Variants in HTR2C observed in about 807,000 individuals in gnomAD.
The protein encoded by HTR2C is 5-hydroxytryptamine receptor 2C.
Under a neutral mutation model 21.0 loss-of-function variants are expected in HTR2C, and 5 were observed. The ratio of observed to expected loss-of-function variants is 0.24; its 90% CI spans 0.12 to 0.50. The LOEUF (loss-of-function observed/expected upper bound fraction) is 0.50. HTR2C is among the 20% of genes least tolerant of loss of function. HTR2C has a pLI of 0.98. For synonymous variants in HTR2C, 150 were observed against 145.3 expected, an observed-to-expected ratio of 1.03 and a Z score of -0.23; for missense variants, 271 against 371.2, an observed-to-expected ratio of 0.73 and a Z score of 2.22.
chrX:114,869,960 A>C (rs1037954319), intron 5 of HTR2C, among the ~76,000 whole-genome samples: 1 of 112,175 alleles, frequency 8.9e-6, no homozygotes, highest in East Asian at 2.8e-4. Context: ...GTGATGTATC[A>C]CATTGATTGA....
chrX:114,780,883 T>C (rs1277558989), intron 4 of HTR2C, among the ~76,000 whole-genome samples: 1 of 111,287 alleles, frequency 9.0e-6, no homozygotes, highest in African/African-American at 3.3e-5. Flanking sequence ...AAACAACAAA[T>C]ATAATAAATA....
chrX:114,660,818 A>G (rs1485640944), intron 2 of HTR2C, among the ~76,000 whole-genome samples: 1 of 112,168 alleles, frequency 8.9e-6, no homozygotes, highest in African/African-American at 3.2e-5. Flanking sequence ...TTACCAAATT[A>G]TAGTGAATGG....
At chrX:114,773,129 T>C (rs1309409366) in intron 4 of HTR2C, among the ~76,000 whole-genome samples, 3 of 112,141 alleles carry the variant, frequency 2.7e-5, no homozygotes, top group Admixed American at 1.9e-4. Flanking sequence ...TAACTGAGCT[T>C]AACATTTTTG....
intron 2 of HTR2C, among the ~76,000 whole-genome samples, chrX:114,670,729 T>A (rs1556411553): frequency 8.9e-6 from 1 of 112,638 alleles, no homozygotes; most frequent in East Asian, 2.8e-4. Context: ...ATTAAATGTA[T>A]AAATTTTTGA....
In HTR2C at chrX:114,590,122, T is replaced by C. The variant is rs782002942; in HGVS notation, c.-147+5463T>C. Among the ~76,000 whole-genome samples the C allele has an allele frequency of 9.8e-5, 11 of 111,916 alleles. No homozygotes were observed. The South Asian group carries it at 3.8e-3, about 38-fold the overall frequency. ...GAAAATAGGTGCTATAAAAAGTAAC[T>C]GCCAGTTTTTTAGTTTACTGATCTG... On this transcript the variant is annotated intron_variant, in intron 1 of 5. Coordinates refer to ENST00000276198, the MANE Select transcript of HTR2C (RefSeq NM_000868.4).
rs782764871 is a variant in HTR2C at position 114,621,963 on chromosome X, A to G, written c.-80+8082A>G. On this transcript the variant is annotated intron_variant, in intron 2 of 5. Coordinates refer to ENST00000276198, the MANE Select transcript of HTR2C (RefSeq NM_000868.4). ...AGAGAACTGGACTACTGGGAGGGAG[A>G]AAGTATAGAAATGACTGAGGAAACC... 3.6e-5 allele frequency among the ~76,000 whole-genome samples: 4 copies of G among 111,854 alleles called. No individual in the cohort carries two copies. In the South Asian group the frequency reaches 1.5e-3, roughly 42 times the overall value.
At chrX:114,641,570 C>T (rs1350634727) in intron 2 of HTR2C, among the ~76,000 whole-genome samples, 3 of 111,295 alleles carry the variant, frequency 2.7e-5, no homozygotes, top group African/African-American at 9.8e-5. Flanking sequence ...AGTGGTCATC[C>T]ATATAAGATC....
chrX:114,723,370 G>A (rs1172391864), intron 2 of HTR2C, among the ~76,000 whole-genome samples: 115 of 111,237 alleles, frequency 1.0e-3, no homozygotes, highest in Middle Eastern at 4.8e-3. Flanking sequence ...TATCCCCTTT[G>A]TCATTTTTTA....
rs1556487826 is a variant in HTR2C at position 114,908,511 on chromosome X, A to G, written c.*1096A>G. The G allele has an allele frequency of 8.9e-6, 1 of 111,822 alleles. No homozygotes were observed. Among genetic ancestry groups the G allele is most frequent in the East Asian group, 2.8e-4 (1 of 3,553 alleles). 9.2% of individuals were successfully genotyped at this position (111,822 alleles called of 1,213,427 possible). On this transcript the variant is annotated 3_prime_UTR_variant, in exon 6 of 6. Coordinates refer to ENST00000276198, the MANE Select transcript of HTR2C (RefSeq NM_000868.4). The stretch of plus-strand genomic sequence containing the variant: ...CCTTAGAATGTGAAAAAAAAAAGTA[A>G]TTAAAAAGACACTTTTACCGAACTC...
intron 4 of HTR2C, among the ~76,000 whole-genome samples, chrX:114,755,250 A>C (rs1353196518): frequency 1.8e-5 from 2 of 109,923 alleles, no homozygotes; most frequent in African/African-American, 6.6e-5. Context: ...AAAAAAAAAA[A>C]AAAAAAACAC....
intron 1 of HTR2C, among the ~76,000 whole-genome samples, chrX:114,586,731 G>C (rs782334020): frequency 3.6e-5 from 4 of 111,149 alleles, no homozygotes; most frequent in African/African-American, 1.3e-4. Context: ...CAGAAAAGAG[G>C]TGAGAACTGA....
intron 2 of HTR2C, among the ~76,000 whole-genome samples, chrX:114,625,522 C>A (rs1602645113): frequency 9.0e-6 from 1 of 111,002 alleles, no homozygotes; most frequent in East Asian, 2.8e-4. Context: ...CATGCCAGCT[C>A]CCCTTCACCT....
At chrX:114,828,199 C>T (rs1319343173) in intron 4 of HTR2C, among the ~76,000 whole-genome samples, 4 of 111,165 alleles carry the variant, frequency 3.6e-5, no homozygotes, top group African/African-American at 1.3e-4. Flanking sequence ...TTTCATGACT[C>T]TTTATCTGTC....
intron 4 of HTR2C, among the ~76,000 whole-genome samples, chrX:114,736,866 C>A (rs1319240961): frequency 5.4e-5 from 6 of 111,060 alleles, no homozygotes; most frequent in African/African-American, 2.0e-4. Flanking sequence ...ATCTTGGAAC[C>A]ATAAATTTTA....
At chrX:114,605,138 C>G (rs781888777) in intron 1 of HTR2C, among the ~76,000 whole-genome samples, 27 of 111,770 alleles carry the variant, frequency 2.4e-4, no homozygotes, top group East Asian at 5.6e-4. Context: ...TAAACGCTAT[C>G]TGATTTGGGA....
chrX:114,727,240 T>C (rs1556422280), intron 3 of HTR2C, among the ~76,000 whole-genome samples: 1 of 112,371 alleles, frequency 8.9e-6, no homozygotes, highest in Non-Finnish European at 1.9e-5. Context: ...ATCTCAATGT[T>C]CATGGCTACT....
At chrX:114,617,052 T>G (rs1462642087) in intron 2 of HTR2C, among the ~76,000 whole-genome samples, 2 of 112,403 alleles carry the variant, frequency 1.8e-5, no homozygotes, top group Non-Finnish European at 3.7e-5. Context: ...CAAGTTCAAT[T>G]AACAGAATCT....
intron 2 of HTR2C, among the ~76,000 whole-genome samples, chrX:114,640,365 G>A (rs1381505946): frequency 1.8e-5 from 2 of 111,901 alleles, no homozygotes; most frequent in South Asian, 7.5e-4. Context: ...AATAAGGGAG[G>A]CTTCTTATAT....
At chrX:114,854,821 A>C (rs1009360794) in intron 5 of HTR2C, among the ~76,000 whole-genome samples, 1 of 111,816 alleles carries the variant, frequency 8.9e-6, no homozygotes, top group Non-Finnish European at 1.9e-5. Context: ...CAAACTATAC[A>C]TCCAACAAGG....
Sources: gnomAD v4.1 joint callset for allele counts (sites outside exome capture counted in the v4.1 genomes callset) on GRCh38, gnomAD v4.1.1 for gene constraint, MANE v1.5 for transcripts, NCBI Gene and HGNC (gene_info 2026-07-23, HGNC 2026-07-21) for gene names.